Variants in MND1 observed in about 807,000 individuals in gnomAD.
MND1 encodes the protein meiotic nuclear division protein 1 homolog.
A neutral mutation model predicts 35.1 loss-of-function variants in MND1; 28 were observed. That is an observed-to-expected ratio of 0.80 (90% CI 0.59 to 1.09). The LOEUF is 1.09. Among genes scored for constraint, MND1 ranks in the 50% least tolerant of loss-of-function variants. MND1 has a pLI of 0.00. For missense variants in MND1, 213 were observed against 239.6 expected, an observed-to-expected ratio of 0.89 and a Z score of 0.73; for synonymous variants, 69 against 70.5, an observed-to-expected ratio of 0.98 and a Z score of 0.11.
intron 4 of MND1, among the ~76,000 whole-genome samples, chr4:153,381,061 G>A (rs1283106392): frequency 6.6e-6 from 1 of 151,868 alleles, no homozygotes; most frequent in East Asian, 1.9e-4. Flanking sequence ...CACCACACCC[G>A]GCTAATTTTT....
chr4:153,355,118 C>T (rs574814974), intron 2 of MND1, among the ~76,000 whole-genome samples: 5 of 152,056 alleles, frequency 3.3e-5, no homozygotes, highest in East Asian at 3.9e-4. Context: ...GAGCCATGAT[C>T]GTGCCACTGT....
intron 4 of MND1, among the ~76,000 whole-genome samples, chr4:153,377,007 G>C (rs1264750854): frequency 6.6e-6 from 1 of 152,202 alleles, no homozygotes; most frequent in Non-Finnish European, 1.5e-5. Context: ...AGTCTATGTA[G>C]TGGTTTTTGA....
chr4:153,414,794 GT>G lies in MND1; in HGVS notation c.558del (p.Phe186LeufsTer19). ...AATCTTGGGCCAAAAGAAAATTTGG[GT>G]TTGAAGAAAATAAAATTGATAGAAC... ...IKSWAKRKFG[F>X]EENKIDRTFG... On this transcript the variant is annotated frameshift_variant, in exon 8 of 8. Coordinates refer to ENST00000240488, the MANE Select transcript of MND1 (RefSeq NM_032117.4). LOFTEE classifies it high-confidence loss of function. 2 of 1,558,484 alleles carry G rather than the reference GT, an allele frequency of 1.3e-6. No homozygotes were observed. The highest frequency in any genetic ancestry group is 1.7e-6 in the Non-Finnish European group (2 of 1,147,266).
chr4:153,403,870 A>G lies in MND1; in HGVS notation c.467-5101A>G, dbSNP rs1397160140. Among the ~76,000 whole-genome samples, 19 of 152,174 alleles carry G rather than the reference A, an allele frequency of 1.2e-4. No individual in the cohort carries two copies. In the East Asian group the frequency reaches 3.1e-3, roughly 25 times the overall value. On this transcript the variant is annotated intron_variant, in intron 6 of 7. Transcript: ENST00000240488. ...AGCCTCAACCTCTTGGGCTCAAGCA[A>G]TCCTCCTGCCTCAGTCCCCTGAGTA...
intron 4 of MND1, among the ~76,000 whole-genome samples, chr4:153,374,888 G>A (rs1728457093): frequency 1.3e-5 from 2 of 152,046 alleles, no homozygotes; most frequent in Admixed American, 1.3e-4. Context: ...GTTAACTTTG[G>A]CGGTTATTTT....
rs536878611 is a variant in MND1, at chr4:153,354,998, A to C, written c.70-656A>C. 4.6e-5 allele frequency among the ~76,000 whole-genome samples: 7 copies of C among 152,088 alleles called. No individual in the cohort carries two copies. In the South Asian group the frequency reaches 1.2e-3, roughly 27 times the overall value. On this transcript the variant is annotated intron_variant, in intron 2 of 7. Transcript: ENST00000240488. ...GGCAAAATGGTGAGACCCTCTCTCT[A>C]AAAAAATTTTTAAAAATTAGCCAGG...
chr4:153,387,944 C>G (rs1421764009), intron 4 of MND1, among the ~76,000 whole-genome samples: 1 of 151,818 alleles, frequency 6.6e-6, no homozygotes, highest in Non-Finnish European at 1.5e-5. Context: ...GCATTCTTTC[C>G]CATCTGTGAC....
chr4:153,368,206 T>G (rs1729304477), intron 4 of MND1, among the ~76,000 whole-genome samples: 1 of 152,174 alleles, frequency 6.6e-6, no homozygotes, highest in African/African-American at 2.4e-5. Flanking sequence ...TTTTGAGAAT[T>G]CCCTTTTCTC....
chr4:153,365,221 T>C (rs7673039), intron 4 of MND1, among the ~76,000 whole-genome samples: 4,797 of 152,250 alleles, frequency 0.032, 270 homozygotes, highest in African/African-American at 0.11. Flanking sequence ...AAGTAAATAA[T>C]TGGGGTTTCT....
At chr4:153,379,076 CAG>C (rs1267463643) in intron 4 of MND1, among the ~76,000 whole-genome samples, 1 of 151,942 alleles carries the variant, frequency 6.6e-6, no homozygotes, top group Non-Finnish European at 1.5e-5. Flanking sequence ...ATCACAAGGT[CAG>C]GGGACTGAGA....
intron 4 of MND1, among the ~76,000 whole-genome samples, chr4:153,360,499 G>C (rs1273537798): frequency 6.6e-6 from 1 of 151,682 alleles, no homozygotes; most frequent in Non-Finnish European, 1.5e-5. Flanking sequence ...TTTTGGGAAA[G>C]GTGTAAAGTG....
Position 153,384,815 on chromosome 4 carries a change from A to G in MND1, c.277-9447A>G, listed in dbSNP as rs1579932676. Among the ~76,000 whole-genome samples the G allele has an allele frequency of 3.9e-5, 6 of 152,018 alleles. No individual in the cohort carries two copies. The East Asian group carries it at 9.6e-4, about 24-fold the overall frequency. ...TGGGATTTTCATACTCTTTATGTCC[A>G]TTATTTAGGATTTCTGGACTACATT... On this transcript the variant is annotated intron_variant, in intron 4 of 7. Coordinates refer to ENST00000240488, the MANE Select transcript of MND1 (RefSeq NM_032117.4).
chr4:153,374,544 G>A (rs538697390), intron 4 of MND1, among the ~76,000 whole-genome samples: 50 of 152,196 alleles, frequency 3.3e-4, no homozygotes, highest in African/African-American at 1.2e-3. Flanking sequence ...TTATAGTAAA[G>A]ATCAGCTTAT....
At chr4:153,409,074 C>A in intron 7 of MND1, 59 bp downstream of exon 7, 3 of 1,016,478 alleles carry the variant, frequency 3.0e-6, no homozygotes, top group Non-Finnish European at 4.0e-6. Context: ...CTTACTGCGA[C>A]GTGAAATTCA....
At chr4:153,414,501 TCTCAAA>T (rs752042594) in intron 7 of MND1, among the ~76,000 whole-genome samples, 12 of 152,016 alleles carry the variant, frequency 7.9e-5, no homozygotes, top group Non-Finnish European at 1.8e-4. Context: ...GCCAGGCTGG[TCTCAAA>T]CTCCTGACCT....
chr4:153,355,857 C>T (rs912149656), intron 3 of MND1, 146 bp downstream of exon 3: 3 of 602,668 alleles, frequency 5.0e-6, no homozygotes, highest in Non-Finnish European at 9.0e-6. Context: ...AAATCATCAC[C>T]ATCCAAAGAT....
intron 6 of MND1, among the ~76,000 whole-genome samples, chr4:153,404,904 A>T (rs1395290871): frequency 2.0e-5 from 3 of 151,458 alleles, no homozygotes; most frequent in Admixed American, 2.0e-4. Context: ...TTTTTTTTTT[A>T]TTATCTTTTT....
chr4:153,378,631 A>G (rs1728575866), intron 4 of MND1, among the ~76,000 whole-genome samples: 1 of 152,218 alleles, frequency 6.6e-6, no homozygotes, highest in Non-Finnish European at 1.5e-5. Flanking sequence ...ATTTTAGCAA[A>G]TAAGACTATT....
chr4:153,347,994 T>G (rs1773114817), intron 1 of MND1, among the ~76,000 whole-genome samples: 1 of 152,124 alleles, frequency 6.6e-6, no homozygotes, highest in African/African-American at 2.4e-5. Flanking sequence ...TGGAGGGTTT[T>G]GAGCAAGGCA....
Sources: gnomAD v4.1 joint callset for allele counts (sites outside exome capture counted in the v4.1 genomes callset) on GRCh38, gnomAD v4.1.1 for gene constraint, MANE v1.5 for transcripts, NCBI Gene and HGNC (gene_info 2026-07-23, HGNC 2026-07-21) for gene names.